The following KDM5A variants were observed in gnomAD, a reference collection of about 807,000 sequenced individuals.
KDM5A encodes the protein lysine demethylase 5A.
KDM5A carries 42 observed loss-of-function variants against 193.5 expected under a neutral mutation model. The observed-to-expected ratio is 0.22, with a 90% CI of 0.17 to 0.28. KDM5A has a LOEUF of 0.28. KDM5A is among the 10% of genes least tolerant of loss of function. KDM5A has a pLI of 1.00. For missense variants in KDM5A, 1,692 were observed against 2,055.1 expected, an observed-to-expected ratio of 0.82 and a Z score of 3.42; for synonymous variants, 796 against 718.1, an observed-to-expected ratio of 1.11 and a Z score of -1.73.
chr12:338,496 T>G (rs1943961038), intron 10 of KDM5A, among the ~76,000 whole-genome samples: 2 of 152,336 alleles, frequency 1.3e-5, no homozygotes, highest in South Asian at 2.1e-4. Context: ...CCTGGTTTAC[T>G]CTAGACTTTG....
At chr12:293,671 T>C (rs770088030) in intron 26 of KDM5A, among the ~76,000 whole-genome samples, 2 of 145,962 alleles carry the variant, frequency 1.4e-5, no homozygotes, top group African/African-American at 2.5e-5. Flanking sequence ...CCCAGCTACT[T>C]GGGAGGCTGA....
chr12:331,045 G>A (rs556825511), intron 13 of KDM5A, among the ~76,000 whole-genome samples: 29 of 151,458 alleles, frequency 1.9e-4, no homozygotes, highest in South Asian at 1.0e-3. Flanking sequence ...AAAGTATAGC[G>A]CAGAGATCTC....
At chr12:330,053 A>AAG (rs1340105030) in intron 13 of KDM5A, among the ~76,000 whole-genome samples, 3 of 112,976 alleles carry the variant, frequency 2.7e-5, no homozygotes, top group Admixed American at 8.7e-5. Flanking sequence ...CCAAAGGAAA[A>AAG]AGTGTGTGTG....
At chr12:339,699 G>A (rs1203310633) in intron 10 of KDM5A, among the ~76,000 whole-genome samples, 1 of 152,064 alleles carries the variant, frequency 6.6e-6, no homozygotes, top group Non-Finnish European at 1.5e-5. Flanking sequence ...AGTTATACTA[G>A]GCCAGCTGTG....
At chr12:364,209 C>T (rs1351062252) in intron 4 of KDM5A, among the ~76,000 whole-genome samples, 14 of 152,200 alleles carry the variant, frequency 9.2e-5, no homozygotes, top group African/African-American at 2.9e-4. Context: ...CGGTGGCTCA[C>T]GCCTATAATC....
In KDM5A at chr12:354,119, T is replaced by C. The variant is rs933553352; in HGVS notation, c.986A>G (p.Asp329Gly). The change falls in exon 8 of 28, where the codon GAT (aspartate) becomes GGT (glycine). Residue 329 changes from aspartate (D) to glycine (G), a missense_variant. This residue lies in a region of KDM5A where 62 missense variants were observed against 107.1 expected (regional missense o/e 0.58). Transcript: ENST00000399788. ...ACACCTCCAGTCTCCTTTGGGCACA[T>C]CAGGTAGTGGAGGAATTAGACAAAA... ...HTFCLIPPLP[D>G]VPKGDWRCPK... 7 of 1,613,766 alleles carry C rather than the reference T, an allele frequency of 4.3e-6. No homozygotes were observed. Among genetic ancestry groups the C allele is most frequent in the Non-Finnish European group, 5.1e-6 (6 of 1,179,730 alleles).
At position 357,827 on chromosome 12, in the gene KDM5A, C is replaced by CAAAAAAAAAAAA. The variant is rs61577928; in HGVS notation, c.673-1302_673-1291dup. Among the ~76,000 whole-genome samples the CAAAAAAAAAAAA allele has an allele frequency of 2.9e-3, 87 of 29,860 alleles. 24 individuals carry two copies. The highest frequency in any genetic ancestry group is 7.6e-3 in the African/African-American group (38 of 4,978). The allele number at this position is 29,860 out of a possible 152,430, so 19.6% of individuals were successfully genotyped here. A position where few individuals can be genotyped will look rare whatever the true frequency, so the allele number is the denominator to read the frequency against. On this transcript the variant is annotated intron_variant, in intron 5 of 27. Coordinates refer to ENST00000399788, the MANE Select transcript of KDM5A (RefSeq NM_001042603.3). ...TGGGCGACAGAGCAAGACTCAGTCT[C>CAAAAAAAAAAAA]AAAAAAAAAAAAAAAAAAAAAAAAA...
intron 3 of KDM5A, among the ~76,000 whole-genome samples, chr12:375,306 CTTCAT>C (rs917723707): frequency 2.3e-4 from 35 of 152,168 alleles, no homozygotes; most frequent in African/African-American, 5.1e-4. Context: ...TCTCTTCTCA[CTTCAT>C]TTCATTAATT....
rs377484042 is a variant in KDM5A, at chr12:366,999, C to T, written c.367-895G>A. 1.4e-4 allele frequency among the ~76,000 whole-genome samples: 22 copies of T among 152,298 alleles called. No individual in the cohort carries two copies. The East Asian group carries it at 1.5e-3, about 11-fold the overall frequency. ...TTCAGTAGAGTAACAGGCTGTACAC[C>T]TTTAGGTCTAGGAGCAACAGGTTAT... On this transcript the variant is annotated intron_variant, in intron 3 of 27. Coordinates refer to ENST00000399788, the MANE Select transcript of KDM5A (RefSeq NM_001042603.3).
chr12:306,559 A>G (rs533683606), intron 24 of KDM5A, among the ~76,000 whole-genome samples: 1 of 152,244 alleles, frequency 6.6e-6, no homozygotes, highest in East Asian at 1.9e-4. Flanking sequence ...CCTGGCCAAC[A>G]TGACGAAACC....
At chr12:354,459 G>A (rs1944205980) in intron 7 of KDM5A, among the ~76,000 whole-genome samples, 1 of 152,106 alleles carries the variant, frequency 6.6e-6, no homozygotes, top group Non-Finnish European at 1.5e-5. Context: ...TAATAAAGGT[G>A]TATCAAGTTG....
chr12:347,256 T>C (rs922223919), intron 10 of KDM5A, among the ~76,000 whole-genome samples: 2 of 151,958 alleles, frequency 1.3e-5, no homozygotes, highest in African/African-American at 4.8e-5. Context: ...CTCAACGAAA[T>C]AAAAGAGGAC....
In KDM5A at chr12:350,675, A is replaced by G. The variant is rs990001998; in HGVS notation, c.1254T>C (p.Phe418=). 1 of 1,614,120 alleles carries G rather than the reference A, an allele frequency of 6.2e-7. No individual in the cohort carries two copies. The highest frequency in any genetic ancestry group is 8.5e-7 in the Non-Finnish European group (1 of 1,180,008). The change falls in exon 10 of 28, where the codon TTT becomes TTC. Residue 418 remains phenylalanine, a synonymous_variant. Coordinates refer to ENST00000399788, the MANE Select transcript of KDM5A (RefSeq NM_001042603.3). ...EYGADISSKD[F]GSGFPVKDGR... ...CATCCTTCACCGGAAATCCACTTCC[A>G]AAGTCTTTTGAGGAGATATCTGCTC...
At chr12:287,479 A>G (rs954303375) in intron 27 of KDM5A, among the ~76,000 whole-genome samples, 1 of 151,280 alleles carries the variant, frequency 6.6e-6, no homozygotes, top group African/African-American at 2.4e-5. Context: ...TTCCTATTGT[A>G]GCAAACTAAT....
At chr12:387,393 T>C (rs1046454352) in intron 1 of KDM5A, 20 of 205,032 alleles carry the variant, frequency 9.8e-5, no homozygotes, top group African/African-American at 1.2e-4. Context: ...TAACCGTGAA[T>C]AGAATTTCTA....
intron 16 of KDM5A, 30 bp downstream of exon 16, chr12:323,052 G>C: frequency 6.2e-7 from 1 of 1,612,924 alleles, no homozygotes; most frequent in South Asian, 1.1e-5. Flanking sequence ...AATCAATTCA[G>C]TATATGCATA....
chr12:325,232 T>A (rs1011561234), intron 14 of KDM5A, among the ~76,000 whole-genome samples: 9 of 152,262 alleles, frequency 5.9e-5, no homozygotes, highest in Non-Finnish European at 1.3e-4. Flanking sequence ...TTTCTTAGTT[T>A]ATAAGAATTT....
At chr12:383,968 T>C in intron 3 of KDM5A, 63 bp downstream of exon 3, 1 of 1,536,288 alleles carries the variant, frequency 6.5e-7, no homozygotes, top group East Asian at 2.3e-5. Flanking sequence ...TCCTACCAAA[T>C]CTATTTGATA....
At chr12:319,184 G>C (rs1344540009) in intron 18 of KDM5A, among the ~76,000 whole-genome samples, 2 of 152,090 alleles carry the variant, frequency 1.3e-5, no homozygotes, top group African/African-American at 4.8e-5. Flanking sequence ...TTTACCATAG[G>C]GAAGTGATGT....
Sources: allele counts gnomAD v4.1 joint callset (sites outside exome capture counted in the v4.1 genomes callset), GRCh38; gene constraint gnomAD v4.1.1; regional missense constraint gnomAD v4.1.1; transcripts MANE v1.5; gene names NCBI Gene and HGNC (gene_info 2026-07-23, HGNC 2026-07-21).